TMTC1: variants seen among roughly 807,000 people sequenced by gnomAD.
TMTC1 encodes transmembrane O-mannosyltransferase targeting cadherins 1.
In TMTC1, 73 loss-of-function variants were observed where a neutral mutation model predicts 104.8. The observed-to-expected ratio is 0.70, with a 90% CI of 0.58 to 0.85. The LOEUF is 0.85. Among genes scored for constraint, TMTC1 ranks in the 40% least tolerant of loss-of-function variants. TMTC1 has a pLI of 0.00. For missense variants in TMTC1, 1,035 were observed against 1,096.1 expected (o/e 0.94, Z 0.79); for synonymous variants, 434 against 428.7 (o/e 1.01, Z -0.15).
At chr12:29,531,547 G>A (rs1039729477) in intron 11 of TMTC1, among the ~76,000 whole-genome samples, 11 of 152,138 alleles carry the variant, frequency 7.2e-5, no homozygotes, top group African/African-American at 2.4e-4. Flanking sequence ...TACTGCTACT[G>A]CAATGCAAAG....
chr12:29,518,539 T>A lies in TMTC1; in HGVS notation c.1957A>T (p.Met653Leu). Residue 653 changes from methionine (M) to leucine (L), a missense_variant, in exon 13 of 18, where the codon ATG becomes TTG. Met to Leu is a conservative substitution (Grantham distance 15). Transcript: ENST00000539277. The stretch of plus-strand genomic sequence containing the variant: ...CTGTAGAGTCTTCCCAAGTTCACCA[T>A]GGCCACGTGATGACTGGGGCTAAGT... ...IKLSPSHHVA[M>L]VNLGRLYRSL... The A allele has an allele frequency of 6.2e-7, 1 of 1,614,184 alleles. No individual in the cohort carries two copies. Among genetic ancestry groups the A allele is most frequent in the Non-Finnish European group, 8.5e-7 (1 of 1,179,996 alleles).
intron 5 of TMTC1, among the ~76,000 whole-genome samples, chr12:29,694,256 A>G (rs1016195941): frequency 3.9e-5 from 6 of 152,230 alleles, no homozygotes; most frequent in Non-Finnish European, 8.8e-5. Flanking sequence ...TGCATCATTA[A>G]CACATAATTG....
intron 5 of TMTC1, among the ~76,000 whole-genome samples, chr12:29,680,334 C>T (rs1366345718): frequency 6.6e-6 from 1 of 152,076 alleles, no homozygotes; most frequent in Non-Finnish European, 1.5e-5. Flanking sequence ...TGATTTGGGT[C>T]CTAAAATTAT....
At chr12:29,551,959 G>T (rs955908407) in intron 10 of TMTC1, among the ~76,000 whole-genome samples, 3 of 152,098 alleles carry the variant, frequency 2.0e-5, no homozygotes, top group South Asian at 4.1e-4. Flanking sequence ...CATAAAAGGG[G>T]CCAGATATAT....
At chr12:29,593,644 C>T (rs915406161) in intron 7 of TMTC1, among the ~76,000 whole-genome samples, 7 of 152,310 alleles carry the variant, frequency 4.6e-5, no homozygotes, top group East Asian at 3.9e-4. Flanking sequence ...CACAAACAAG[C>T]GCTTAAGCAA....
chr12:29,657,087 C>T lies in TMTC1; in HGVS notation c.939-23751G>A, dbSNP rs531783286. ...CCCCCATCTGTCCTTTTTAACCGTA[C>T]ATCTTAGTGTTTGGAGACTGGTAAG... On this transcript the variant is annotated intron_variant, in intron 5 of 17. Transcript: ENST00000539277. Among the ~76,000 whole-genome samples, 6 of 152,314 alleles carry T rather than the reference C, an allele frequency of 3.9e-5. No homozygotes were observed. In the South Asian group the frequency reaches 1.2e-3, roughly 32 times the overall value.
intron 5 of TMTC1, among the ~76,000 whole-genome samples, chr12:29,642,231 G>T (rs139719078): frequency 1.8e-3 from 274 of 152,230 alleles, no homozygotes; most frequent in African/African-American, 6.3e-3. Flanking sequence ...AACACAAGAA[G>T]CACAAAGAAC....
chr12:29,686,019 T>G (rs1429149848), intron 5 of TMTC1, among the ~76,000 whole-genome samples: 1 of 151,698 alleles, frequency 6.6e-6, no homozygotes, highest in Non-Finnish European at 1.5e-5. Flanking sequence ...CACTCAACAG[T>G]TTTTAAATTT....
intron 5 of TMTC1, among the ~76,000 whole-genome samples, chr12:29,696,903 A>G (rs1440789970): frequency 1.3e-5 from 2 of 152,208 alleles, no homozygotes; most frequent in African/African-American, 4.8e-5. Context: ...TAGAAGGAAT[A>G]TTATTCTTAT....
Position 29,604,092 on chromosome 12 carries a change from T to C in TMTC1, c.1250+86A>G, listed in dbSNP as rs1309647953. 1.9e-5 allele frequency: 30 copies of C among 1,565,250 alleles called. No homozygotes were observed. The Middle Eastern group carries it at 5.2e-4, about 27-fold the overall frequency. On this transcript the variant is annotated intron_variant, in intron 7 of 17. Transcript: ENST00000539277. ...CTTGTCCCATGAGGATCTAATGGTCTACACACAGAAGACTGTCTCTCTGGA... is the reference window on the plus strand; with the variant it reads ...CTTGTCCCATGAGGATCTAATGGTCCACACACAGAAGACTGTCTCTCTGGA...
chr12:29,635,666 T>C (rs1258857586), intron 5 of TMTC1, among the ~76,000 whole-genome samples: 2 of 152,154 alleles, frequency 1.3e-5, no homozygotes, highest in Non-Finnish European at 2.9e-5. Context: ...ACCATGCCTA[T>C]GAGGTCAAAA....
chr12:29,682,671 C>T (rs186572876), intron 5 of TMTC1, among the ~76,000 whole-genome samples: 1 of 152,212 alleles, frequency 6.6e-6, no homozygotes, highest in Admixed American at 6.5e-5. Flanking sequence ...TGTATGATTC[C>T]ATTTACATCA....
At chr12:29,614,060 C>T in intron 6 of TMTC1, 1 of 250,832 alleles carries the variant, frequency 4.0e-6, no homozygotes, top group Non-Finnish European at 6.3e-6. Flanking sequence ...TAGAGTAGCA[C>T]TTCCAAAAGA....
At chr12:29,671,135 T>C (rs1591901469) in intron 5 of TMTC1, among the ~76,000 whole-genome samples, 1 of 150,122 alleles carries the variant, frequency 6.7e-6, no homozygotes, top group African/African-American at 2.5e-5. Context: ...CTACTAAAAA[T>C]ACAAAATAAA....
At chr12:29,654,241 T>C (rs1007025162) in intron 5 of TMTC1, among the ~76,000 whole-genome samples, 7 of 152,118 alleles carry the variant, frequency 4.6e-5, no homozygotes, top group African/African-American at 1.4e-4. Flanking sequence ...ATGTTACAAC[T>C]TGGAAATAAA....
At chr12:29,655,886 A>T (rs1272704394) in intron 5 of TMTC1, among the ~76,000 whole-genome samples, 1 of 152,232 alleles carries the variant, frequency 6.6e-6, no homozygotes, top group East Asian at 1.9e-4. Context: ...CTCTCACCCG[A>T]TAATAACTTA....
chr12:29,580,464 C>T (rs1262442791), intron 8 of TMTC1, among the ~76,000 whole-genome samples: 3 of 152,172 alleles, frequency 2.0e-5, no homozygotes, highest in South Asian at 2.1e-4. Flanking sequence ...AAAATTTGTA[C>T]TTTCTCCAAC....
chr12:29,594,622 G>C lies in TMTC1; in HGVS notation c.1250+9556C>G, dbSNP rs184236554. 2.0e-5 allele frequency among the ~76,000 whole-genome samples: 3 copies of C among 152,298 alleles called. No individual in the cohort carries two copies. In the East Asian group the frequency reaches 5.8e-4, roughly 29 times the overall value. ...TTGAGATGTATTCTCTAAGAGAAAA[G>C]GAAAGAAAGAAATTCACCAATAACA... On this transcript the variant is annotated intron_variant, in intron 7 of 17. Coordinates refer to ENST00000539277, the MANE Select transcript of TMTC1 (RefSeq NM_001193451.2).
intron 6 of TMTC1, among the ~76,000 whole-genome samples, chr12:29,624,126 C>T (rs1439529418): frequency 6.6e-6 from 1 of 151,912 alleles, no homozygotes; most frequent in Non-Finnish European, 1.5e-5. Context: ...ATTACATGCA[C>T]CCACCATCAC....
Sources: allele counts gnomAD v4.1 joint callset (sites outside exome capture counted in the v4.1 genomes callset), GRCh38; gene constraint gnomAD v4.1.1; transcripts MANE v1.5; gene names NCBI Gene and HGNC (gene_info 2026-07-23, HGNC 2026-07-21).